Variants in ZNF625 observed in about 807,000 individuals in gnomAD.
The protein encoded by ZNF625 is zinc finger protein 625.
In ZNF625, 8 loss-of-function variants were observed where a neutral mutation model predicts 11.1. That is an observed-to-expected ratio of 0.72 (90% CI 0.42 to 1.30). The LOEUF is 1.30. ZNF625 is among the 50% of genes most tolerant of loss of function. ZNF625 has a pLI of 0.01. For missense variants in ZNF625, 349 were observed against 447.6 expected, an observed-to-expected ratio of 0.78 and a Z score of 1.99; for synonymous variants, 145 against 153.4, an observed-to-expected ratio of 0.95 and a Z score of 0.41.
chr19:12,150,730 CATAGGGGATA>C (rs1419961933), intron 1 of ZNF625, among the ~76,000 whole-genome samples: 2 of 152,162 alleles, frequency 1.3e-5, no homozygotes, highest in Non-Finnish European at 2.9e-5. Context: ...GTCTGGAATG[CATAGGGGATA>C]ATATGCTCTC....
intron 1 of ZNF625, 73 bp downstream of exon 1, chr19:12,156,483 C>A: frequency 7.6e-7 from 1 of 1,311,090 alleles, no homozygotes; most frequent in South Asian, 1.8e-5. Flanking sequence ...GGCCTGGGTC[C>A]TGCTAGAGCC....
intron 1 of ZNF625, among the ~76,000 whole-genome samples, chr19:12,151,222 T>C (rs1360554586): frequency 2.0e-5 from 3 of 149,076 alleles, no homozygotes; most frequent in Non-Finnish European, 4.5e-5. Flanking sequence ...TTTTTTTTTC[T>C]TTTGTCTGAG....
At chr19:12,146,333 T>G (rs769885812) in intron 3 of ZNF625, 109 bp from the exon 4 acceptor site, 32 of 1,040,848 alleles carry the variant, frequency 3.1e-5, no homozygotes, top group Non-Finnish European at 4.4e-5. Context: ...ATGTGTAGGC[T>G]TTCTGCCCTG....
chr19:12,147,558 CA>C lies in ZNF625; in HGVS notation c.131-104del, dbSNP rs1976894635. ...ACTGCAGCCTTGCAGCATTTATTCA[CA>C]TTCCTATTCCCTGTCCTCACTATTC... On this transcript the variant is annotated intron_variant, in intron 2 of 3. Transcript: ENST00000439556. 7 of 1,547,474 alleles carry C rather than the reference CA, an allele frequency of 4.5e-6. 1 individual carries two copies. The Admixed American group carries it at 1.3e-4, about 29-fold the overall frequency.
intron 1 of ZNF625, among the ~76,000 whole-genome samples, chr19:12,155,528 C>T (rs558588433): frequency 9.8e-5 from 15 of 152,318 alleles, no homozygotes; most frequent in African/African-American, 3.4e-4. Flanking sequence ...CCTGCCCTGT[C>T]AGCCTTCCAT....
chr19:12,148,581 T>C (rs913537574), intron 1 of ZNF625, among the ~76,000 whole-genome samples: 2 of 151,666 alleles, frequency 1.3e-5, no homozygotes, highest in Admixed American at 1.3e-4. Context: ...TCAGCCCCTA[T>C]GGAATAGTAT....
chr19:12,151,886 C>CT (rs1294102894), intron 1 of ZNF625, among the ~76,000 whole-genome samples: 1 of 152,160 alleles, frequency 6.6e-6, no homozygotes, highest in Non-Finnish European at 1.5e-5. Flanking sequence ...AAATTACATA[C>CT]TTTTTCTCTG....
intron 1 of ZNF625, among the ~76,000 whole-genome samples, chr19:12,154,919 TA>T (rs1398318876): frequency 1.3e-5 from 2 of 152,046 alleles, no homozygotes; most frequent in East Asian, 3.9e-4. Context: ...AAAATAGACA[TA>T]AGACCTGCAA....
chr19:12,147,889 G>A (rs1369987805), intron 1 of ZNF625, 87 bp from the exon 2 acceptor site: 2 of 1,487,496 alleles, frequency 1.3e-6, no homozygotes, highest in African/African-American at 1.4e-5. Context: ...TTTCCATGGT[G>A]CTATGGACTC....
rs1317568165 is a variant in ZNF625 at position 12,144,987 on chromosome 19, T to G, written c.*310A>C. ...CCTCGGCCTCCCAAAGTGCTGGGAT[T>G]ATAGGCATGAGCCACTGCACCCGGC... On this transcript the variant is annotated 3_prime_UTR_variant, in exon 4 of 4. Coordinates refer to ENST00000439556, the MANE Select transcript of ZNF625 (RefSeq NM_145233.4). The G allele has an allele frequency of 3.9e-6, 1 of 259,380 alleles. No individual in the cohort carries two copies. The highest frequency in any genetic ancestry group is 4.9e-5 in the Admixed American group (1 of 20,320). 16.1% of individuals were successfully genotyped at this position (259,380 alleles called of 1,614,324 possible).
chr19:12,156,492 C>T, intron 1 of ZNF625, 64 bp downstream of exon 1: 1 of 1,350,512 alleles, frequency 7.4e-7, no homozygotes, highest in Non-Finnish European at 9.6e-7. Context: ...CCTGCTAGAG[C>T]CGGTTCGAGC....
chr19:12,149,432 T>C (rs1976924752), intron 1 of ZNF625, among the ~76,000 whole-genome samples: 1 of 150,288 alleles, frequency 6.7e-6, no homozygotes, highest in Non-Finnish European at 1.5e-5. Flanking sequence ...TAACAACCTG[T>C]CCGTTGTTAC....
rs766848479 is a variant in ZNF625, at chr19:12,145,386, A to T, written c.1030T>A (p.Ser344Thr). Residue 344 changes from serine to threonine, a missense_variant, in exon 4 of 4, where the codon TCG becomes ACG. Ser to Thr is a moderately conservative substitution (Grantham distance 58). Coordinates refer to ENST00000439556, the MANE Select transcript of ZNF625 (RefSeq NM_145233.4). The part of the protein sequence containing the change: ...KQCGKAFGCA[S>T]SVKIHERTHT... ...GTCCTTTCATGGATTTTAACGCTCG[A>T]GGCACATCCAAAGGCTTTACCACAT... is the stretch of plus-strand genomic sequence containing the variant. 3 of 1,614,018 alleles carry T rather than the reference A, an allele frequency of 1.9e-6. No individual in the cohort carries two copies. Among genetic ancestry groups the T allele is most frequent in the Non-Finnish European group, 2.5e-6 (3 of 1,179,996 alleles).
At chr19:12,156,330 C>A (rs1026152238) in intron 1 of ZNF625, among the ~76,000 whole-genome samples, 3 of 152,158 alleles carry the variant, frequency 2.0e-5, no homozygotes, top group African/African-American at 7.2e-5. Flanking sequence ...GGGCCAGGGC[C>A]GGGGTCGCAG....
At position 12,151,456 on chromosome 19, in the gene ZNF625, C is replaced by A. The variant is rs186936260; in HGVS notation, c.4-3654G>T. On this transcript the variant is annotated intron_variant, in intron 1 of 3. Coordinates refer to ENST00000439556, the MANE Select transcript of ZNF625 (RefSeq NM_145233.4). ...AGTGCAGTGGCACGATCTCGGCTCACTGCAAGCTCTGCCTCCTGGGTTAAC... is the reference window on the plus strand; with the variant it reads ...AGTGCAGTGGCACGATCTCGGCTCAATGCAAGCTCTGCCTCCTGGGTTAAC... 3.1e-3 allele frequency among the ~76,000 whole-genome samples: 469 copies of A among 151,006 alleles called. 1 individual carries two copies. Among genetic ancestry groups the A allele is most frequent in the African/African-American group, 0.011 (455 of 41,032 alleles).
chr19:12,146,111 CAT>C lies in ZNF625; in HGVS notation c.303_304del (p.Cys102TrpfsTer11). ...TGCATGACCCACGCTGACTTCTCCA[CAT>C]GATTTTACTCGGGGAGTTTTCTTCT... is the stretch of plus-strand genomic sequence containing the variant. On this transcript the variant is annotated frameshift_variant, in exon 4 of 4. Transcript: ENST00000439556. LOFTEE classifies it low-confidence loss of function (END_TRUNC). The C allele has an allele frequency of 1.9e-6, 3 of 1,614,162 alleles. No individual in the cohort carries two copies. The highest frequency in any genetic ancestry group is 2.5e-6 in the Non-Finnish European group (3 of 1,180,030).
At chr19:12,146,609 T>C (rs1273758406) in intron 3 of ZNF625, among the ~76,000 whole-genome samples, 1 of 152,094 alleles carries the variant, frequency 6.6e-6, no homozygotes, top group Non-Finnish European at 1.5e-5. Flanking sequence ...TTTTTGTATA[T>C]TTGCTAGAGA....
intron 3 of ZNF625, among the ~76,000 whole-genome samples, chr19:12,146,824 T>C (rs1352218200): frequency 1.3e-5 from 2 of 152,168 alleles, no homozygotes; most frequent in Admixed American, 1.3e-4. Context: ...TAACCCAGGC[T>C]AGAGTGTAAT....
At chr19:12,153,466 C>G (rs930913074) in intron 1 of ZNF625, among the ~76,000 whole-genome samples, 4 of 151,682 alleles carry the variant, frequency 2.6e-5, no homozygotes, top group Admixed American at 2.6e-4. Context: ...GGGTGGATCA[C>G]CTGAGGTCAG....
Sources: gnomAD v4.1 joint callset for allele counts (sites outside exome capture counted in the v4.1 genomes callset) on GRCh38, gnomAD v4.1.1 for gene constraint, MANE v1.5 for transcripts, NCBI Gene and HGNC (gene_info 2026-07-23, HGNC 2026-07-21) for gene names.